Variants in TSPAN11 observed in about 807,000 individuals in gnomAD.
The protein encoded by TSPAN11 is tetraspanin 11, also known as tetraspanin-11.
Under a neutral mutation model 32.9 loss-of-function variants are expected in TSPAN11, and 29 were observed. That is an observed-to-expected ratio of 0.88 (90% confidence interval 0.66 to 1.20). The LOEUF (loss-of-function observed/expected upper bound fraction) is 1.20, where lower values mean the gene tolerates loss of function less well. Among genes scored for constraint, TSPAN11 ranks in the 50% most tolerant of loss-of-function variants. The pLI, the probability that TSPAN11 is intolerant of heterozygous loss-of-function variation, is 0.00. For synonymous variants in TSPAN11, 140 were observed against 141.3 expected (o/e 0.99, Z 0.07); for missense variants, 283 against 329.1 (o/e 0.86, Z 1.08).
Position 30,975,658 on chromosome 12 carries a change from AC to A in TSPAN11, c.277-2899del, listed in dbSNP as rs942895639. Among the ~76,000 whole-genome samples the A allele has an allele frequency of 3.3e-5, 5 of 151,166 alleles. No individual in the cohort carries two copies. Among genetic ancestry groups the A allele is most frequent in the African/African-American group, 1.2e-4 (5 of 41,046 alleles). On this transcript the variant is annotated intron_variant, in intron 3 of 7. Transcript: ENST00000546076. The surrounding 1 kb of genome is among the most constrained non-coding windows in gnomAD (Gnocchi z 4.5). ...TACCTCCCCATCCTCCCTGTTCCCCACCCCGTCTTCAATAGTAACTGGGGCA... is the reference window on the plus strand; with the variant it reads ...TACCTCCCCATCCTCCCTGTTCCCCACCCGTCTTCAATAGTAACTGGGGCA...
intron 1 of TSPAN11, among the ~76,000 whole-genome samples, chr12:30,950,276 G>T (rs545191531): frequency 6.6e-6 from 1 of 152,288 alleles, no homozygotes; most frequent in Admixed American, 6.5e-5. Context: ...CCTCCAAAGT[G>T]GAGACAGACA....
At chr12:31,009,287 T>C in the TSPAN11 span, among the ~76,000 whole-genome samples, 5 of 152,170 alleles carry the variant, frequency 3.3e-5, no homozygotes, top group Admixed American at 3.3e-4. Context: ...CACCTCCTCC[T>C]CCAGGCCTGC....
chr12:31,005,266 AAGT>A, the TSPAN11 span, among the ~76,000 whole-genome samples: 1 of 152,242 alleles, frequency 6.6e-6, no homozygotes, highest in African/African-American at 2.4e-5. Context: ...TAAAGTTAAG[AAGT>A]TACACTGTAA....
At chr12:30,958,041 A>T (rs1372870687) in intron 2 of TSPAN11, among the ~76,000 whole-genome samples, 2 of 152,052 alleles carry the variant, frequency 1.3e-5, no homozygotes, top group African/African-American at 4.8e-5. Flanking sequence ...GTTGGTACAG[A>T]GGACAGAATG....
chr12:30,990,485 C>CT (rs1939290723), intron 7 of TSPAN11, among the ~76,000 whole-genome samples: 1 of 152,240 alleles, frequency 6.6e-6, no homozygotes, highest in Non-Finnish European at 1.5e-5. Flanking sequence ...CGGCCGCCTG[C>CT]GTAAAGCTAG....
chr12:30,953,327 G>A (rs1938418204), intron 1 of TSPAN11, among the ~76,000 whole-genome samples: 1 of 152,188 alleles, frequency 6.6e-6, no homozygotes, highest in Admixed American at 6.5e-5. Flanking sequence ...AGGGATGGGA[G>A]GTCATGTAAC....
the TSPAN11 span, chr12:31,015,373 G>GACCTC: frequency 6.6e-6 from 1 of 152,296 alleles, no homozygotes. The surrounding 1 kb of genome is among the most constrained non-coding windows in gnomAD (Gnocchi z 4.9). Context: ...CTGAGTTACA[G>GACCTC]ACCTCACTGT....
At chr12:31,002,508 G>A in the TSPAN11 span, among the ~76,000 whole-genome samples, 3 of 152,286 alleles carry the variant, frequency 2.0e-5, no homozygotes, top group South Asian at 2.1e-4. The surrounding 1 kb of genome is among the most constrained non-coding windows in gnomAD (Gnocchi z 4.8). Flanking sequence ...AGGCCACTGC[G>A]AGACTTCTAC....
intron 4 of TSPAN11, chr12:30,978,864 G>C: frequency 3.7e-6 from 2 of 543,420 alleles, no homozygotes; most frequent in Admixed American, 3.1e-5. Flanking sequence ...AGCTGGGGAC[G>C]GGGGCTTCCC....
chr12:30,956,205 A>G (rs1938475051), intron 2 of TSPAN11, among the ~76,000 whole-genome samples: 1 of 152,242 alleles, frequency 6.6e-6, no homozygotes, highest in Admixed American at 6.5e-5. Context: ...CAAGAGACCA[A>G]GGTTCAGCTT....
intron 7 of TSPAN11, among the ~76,000 whole-genome samples, chr12:30,984,884 G>T (rs560696580): frequency 6.6e-6 from 1 of 152,294 alleles, no homozygotes; most frequent in East Asian, 1.9e-4. Context: ...AGATCAGAAA[G>T]TTGAGACCCA....
At chr12:30,946,169 C>T (rs114963421) in intron 1 of TSPAN11, among the ~76,000 whole-genome samples, 2,511 of 152,270 alleles carry the variant, frequency 0.016, 59 homozygotes, top group African/African-American at 0.057. Flanking sequence ...AGTGGCCAGC[C>T]ATCCTGGTTT....
intron 4 of TSPAN11, 22 bp from the exon 5 acceptor site, chr12:30,979,544 A>G: frequency 6.2e-7 from 1 of 1,612,626 alleles, no homozygotes. Context: ...GCTGATGGGG[A>G]CTTCGCTCCT....
At position 30,975,499 on chromosome 12, in the gene TSPAN11, G is replaced by A. The variant is rs1938950796; in HGVS notation, c.277-3062G>A. On this transcript the variant is annotated intron_variant, in intron 3 of 7. Coordinates refer to ENST00000546076, the MANE Select transcript of TSPAN11 (RefSeq NM_001370302.1). This position sits in a 1 kb window ranked among gnomAD's most constrained non-coding sequence, Gnocchi z 4.5. ...GCTATCCCCACACACCACCGCCACT[G>A]CCAAGCTCTCTCCCCTCCTCCTGAC... is the stretch of plus-strand genomic sequence containing the variant. Among the ~76,000 whole-genome samples the A allele has an allele frequency of 6.6e-6, 1 of 152,102 alleles. No homozygotes were observed. Among genetic ancestry groups the A allele is most frequent in the African/African-American group, 2.4e-5 (1 of 41,430 alleles).
At chr12:30,977,090 T>C (rs1029469123) in intron 3 of TSPAN11, among the ~76,000 whole-genome samples, 2 of 152,202 alleles carry the variant, frequency 1.3e-5, no homozygotes, top group Non-Finnish European at 2.9e-5. Flanking sequence ...AGGTGGGTAA[T>C]GCACTTCATT....
chr12:30,966,865 C>T (rs1938744991), intron 3 of TSPAN11, among the ~76,000 whole-genome samples: 1 of 152,186 alleles, frequency 6.6e-6, no homozygotes, highest in African/African-American at 2.4e-5. Flanking sequence ...TGCCTCGTTG[C>T]TCCCATTATA....
rs1939366544 is a variant in TSPAN11 at position 30,993,908 on chromosome 12, A to G, written c.*1993A>G. Reference sequence around the variant, plus strand: ...TGGGGATGAAAGACAGGTGACAGGCAGGTGCCCTGTGCACAGCCTTATCAT... The same window carrying G: ...TGGGGATGAAAGACAGGTGACAGGCGGGTGCCCTGTGCACAGCCTTATCAT... On this transcript the variant is annotated 3_prime_UTR_variant, in exon 8 of 8. Coordinates refer to ENST00000546076, the MANE Select transcript of TSPAN11 (RefSeq NM_001370302.1). 1 of 152,268 alleles carries G rather than the reference A, an allele frequency of 6.6e-6. No individual in the cohort carries two copies. Among genetic ancestry groups the G allele is most frequent in the Admixed American group, 6.5e-5 (1 of 15,284 alleles). 9.4% of individuals were successfully genotyped at this position (152,268 alleles called of 1,614,324 possible).
chr12:30,933,096 C>T (rs1026187985), intron 1 of TSPAN11, among the ~76,000 whole-genome samples: 1 of 152,178 alleles, frequency 6.6e-6, no homozygotes, highest in Non-Finnish European at 1.5e-5. Flanking sequence ...GACAAACTGC[C>T]ACCATCCCCT....
At chr12:30,978,231 G>A in intron 3 of TSPAN11, 1 of 310,892 alleles carries the variant, frequency 3.2e-6, no homozygotes, top group South Asian at 7.1e-5. Flanking sequence ...TTGTAACACA[G>A]CATTGCAGTC....
Sources: allele counts gnomAD v4.1 joint callset (sites outside exome capture counted in the v4.1 genomes callset), GRCh38; gene constraint gnomAD v4.1.1; non-coding constraint Gnocchi (gnomAD v3.1); transcripts MANE v1.5; gene names NCBI Gene and HGNC (gene_info 2026-07-23, HGNC 2026-07-21).